NEDD4L: variants seen among roughly 807,000 people sequenced by gnomAD.
NEDD4L encodes E3 ubiquitin-protein ligase NEDD4-like.
A neutral mutation model predicts 148.9 loss-of-function variants in NEDD4L; 54 were observed. The ratio of observed to expected loss-of-function variants is 0.36; its 90% confidence interval spans 0.29 to 0.45. The LOEUF is 0.45. Among genes scored for constraint, NEDD4L ranks in the 20% least tolerant of loss-of-function variants. NEDD4L has a pLI of 1.00. For missense variants in NEDD4L, 856 were observed against 1,233.8 expected, an observed-to-expected ratio of 0.69 and a Z score of 4.59; for synonymous variants, 433 against 440.7, an observed-to-expected ratio of 0.98 and a Z score of 0.22.
At chr18:58,141,483 G>T (rs76079552) in intron 1 of NEDD4L, among the ~76,000 whole-genome samples, 3,594 of 151,716 alleles carry the variant, frequency 0.024, 105 homozygotes, top group East Asian at 0.16. Flanking sequence ...CAATTTTTGG[G>T]TTTTTTTTGT....
intron 6 of NEDD4L, among the ~76,000 whole-genome samples, chr18:58,316,794 C>T (rs1291912241): frequency 6.6e-6 from 1 of 152,232 alleles, no homozygotes; most frequent in Non-Finnish European, 1.5e-5. Flanking sequence ...CCCAGCCTTC[C>T]TCCTGGCCTT....
At chr18:58,289,356 G>A (rs2054376246) in intron 5 of NEDD4L, among the ~76,000 whole-genome samples, 1 of 152,182 alleles carries the variant, frequency 6.6e-6, no homozygotes, top group Non-Finnish European at 1.5e-5. Context: ...ACCCCTGCAT[G>A]CTGCTGGGTT....
At chr18:58,221,779 T>A in intron 2 of NEDD4L, 1 of 925,584 alleles carries the variant, frequency 1.1e-6, no homozygotes. Context: ...GACACCACTG[T>A]ATGTTTGCTA....
chr18:58,357,332 G>A (rs942171880), intron 19 of NEDD4L, 80 bp downstream of exon 19: 9 of 1,211,662 alleles, frequency 7.4e-6, no homozygotes, highest in Admixed American at 5.0e-5. Flanking sequence ...TACTGATAAC[G>A]GTGATGTCAA....
chr18:58,144,369 G>T (rs1185283648), intron 1 of NEDD4L, among the ~76,000 whole-genome samples: 1 of 151,824 alleles, frequency 6.6e-6, no homozygotes, highest in African/African-American at 2.4e-5. Flanking sequence ...CAAGGGGTTG[G>T]GTCACACACT....
chr18:58,216,745 T>A (rs1035706033), intron 2 of NEDD4L, among the ~76,000 whole-genome samples: 1 of 152,088 alleles, frequency 6.6e-6, no homozygotes, highest in Non-Finnish European at 1.5e-5. Flanking sequence ...CAAGTGGATG[T>A]GTGAAGATGG....
chr18:58,065,398 C>T (rs542578031), intron 1 of NEDD4L, among the ~76,000 whole-genome samples: 2 of 152,382 alleles, frequency 1.3e-5, no homozygotes, highest in South Asian at 4.1e-4. Flanking sequence ...GCATTGCGCA[C>T]TATGCTGCTG....
At chr18:58,209,788 T>C (rs2042416964) in intron 2 of NEDD4L, among the ~76,000 whole-genome samples, 1 of 152,118 alleles carries the variant, frequency 6.6e-6, no homozygotes, top group Non-Finnish European at 1.5e-5. Flanking sequence ...ATCCAATAGC[T>C]GGTTATTTGA....
intron 1 of NEDD4L, among the ~76,000 whole-genome samples, chr18:58,129,604 G>A (rs188186365): frequency 2.0e-5 from 3 of 152,366 alleles, no homozygotes; most frequent in Admixed American, 2.0e-4. Flanking sequence ...TCATTAAGCT[G>A]TGTGTTCTTA....
intron 1 of NEDD4L, among the ~76,000 whole-genome samples, chr18:58,052,610 T>C (rs921947776): frequency 1.3e-5 from 2 of 151,396 alleles, no homozygotes; most frequent in African/African-American, 4.9e-5. Flanking sequence ...TACCTCCTAT[T>C]CACCAAAAGA....
chr18:58,252,195 G>T (rs963648381), intron 5 of NEDD4L, 141 bp downstream of exon 5: 1 of 670,320 alleles, frequency 1.5e-6, no homozygotes, highest in East Asian at 2.7e-5. Flanking sequence ...GTCCCACTAC[G>T]AGTTTGATGT....
intron 1 of NEDD4L, among the ~76,000 whole-genome samples, chr18:58,075,135 A>G (rs1041162457): frequency 1.3e-5 from 2 of 152,194 alleles, no homozygotes; most frequent in Admixed American, 6.5e-5. Flanking sequence ...AGGACCAGAA[A>G]GCGTCGTAGT....
At chr18:58,392,315 G>A (rs886478097) in intron 30 of NEDD4L, among the ~76,000 whole-genome samples, 6 of 152,210 alleles carry the variant, frequency 3.9e-5, no homozygotes, top group Non-Finnish European at 7.3e-5. Flanking sequence ...TCTGGAAAAC[G>A]GTGAGCAGCG....
At chr18:58,157,284 C>T (rs1228497953) in intron 1 of NEDD4L, among the ~76,000 whole-genome samples, 1 of 151,854 alleles carries the variant, frequency 6.6e-6, no homozygotes, top group East Asian at 1.9e-4. Flanking sequence ...ACTATCCTGG[C>T]TACTTAAAAT....
At chr18:58,259,799 G>C (rs1336642847) in intron 5 of NEDD4L, among the ~76,000 whole-genome samples, 2 of 152,166 alleles carry the variant, frequency 1.3e-5, no homozygotes, top group Admixed American at 1.3e-4. Context: ...TTCAGCTCAA[G>C]CTCTCTGGAC....
At chr18:58,049,838 A>G (rs1200828857) in intron 1 of NEDD4L, among the ~76,000 whole-genome samples, 1 of 151,900 alleles carries the variant, frequency 6.6e-6, no homozygotes, top group Non-Finnish European at 1.5e-5. Flanking sequence ...TTAGCCAAAC[A>G]TGGCGGCACG....
chr18:58,220,762 C>T (rs2043666861), intron 2 of NEDD4L, among the ~76,000 whole-genome samples: 1 of 152,188 alleles, frequency 6.6e-6, no homozygotes, highest in Admixed American at 6.5e-5. Context: ...TAGGGTGTGA[C>T]TTCTTCCAGC....
intron 5 of NEDD4L, among the ~76,000 whole-genome samples, chr18:58,265,416 G>A (rs1198055703): frequency 6.6e-6 from 1 of 152,000 alleles, no homozygotes; most frequent in African/African-American, 2.4e-5. Flanking sequence ...CACCTGCCAG[G>A]CCATGCTGAG....
chr18:58,215,205 T>G (rs1486678264), intron 2 of NEDD4L, among the ~76,000 whole-genome samples: 2 of 152,234 alleles, frequency 1.3e-5, no homozygotes, highest in Non-Finnish European at 2.9e-5. Flanking sequence ...TTTACAATGT[T>G]CATAGACGTT....
Sources: gnomAD v4.1 joint callset for allele counts (sites outside exome capture counted in the v4.1 genomes callset) on GRCh38, gnomAD v4.1.1 for gene constraint, MANE v1.5 for transcripts, NCBI Gene and HGNC (gene_info 2026-07-23, HGNC 2026-07-21) for gene names.